Variants in ELOVL6 observed in about 807,000 individuals in gnomAD.
ELOVL6 encodes ELOVL fatty acid elongase 6.
ELOVL6 carries 8 observed loss-of-function variants against 31.7 expected under a neutral mutation model. The observed-to-expected ratio is 0.25, with a 90% confidence interval of 0.15 to 0.45. The LOEUF (loss-of-function observed/expected upper bound fraction) is 0.45, where lower values mean the gene tolerates loss of function less well. ELOVL6 is among the 20% of genes least tolerant of loss of function. ELOVL6 has a pLI of 1.00. For synonymous variants in ELOVL6, 101 were observed against 117.7 expected, an observed-to-expected ratio of 0.86 and a Z score of 0.92; for missense variants, 126 against 326.4, an observed-to-expected ratio of 0.39 and a Z score of 4.73.
chr4:110,128,539 C>T lies in ELOVL6; in HGVS notation c.90-22911G>A, dbSNP rs180868107. ...GCCTTGTAGGTGAGGATAAGGCAGG[C>T]GTCATGGGCAGTGCGGTTACAGGAA... On this transcript the variant is annotated intron_variant, in intron 1 of 3. Transcript: ENST00000302274. Among the ~76,000 whole-genome samples the T allele has an allele frequency of 3.4e-3, 520 of 152,242 alleles. 6 individuals are homozygous for T. The highest frequency in any genetic ancestry group is 0.012 in the African/African-American group (503 of 41,542).
At chr4:110,079,704 C>A (rs1248984401) in intron 2 of ELOVL6, among the ~76,000 whole-genome samples, 1 of 152,006 alleles carries the variant, frequency 6.6e-6, no homozygotes, top group Admixed American at 6.6e-5. Flanking sequence ...CAAACACAGT[C>A]AAAAACTAGC....
chr4:110,148,498 AG>A lies in ELOVL6; in HGVS notation c.90-42871del, dbSNP rs201234472. 1.8e-4 allele frequency among the ~76,000 whole-genome samples: 20 copies of A among 111,958 alleles called. No individual in the cohort carries two copies. In the South Asian group the frequency reaches 2.3e-3, roughly 13 times the overall value. 73.4% of individuals were successfully genotyped at this position (111,958 alleles called of 152,430 possible). On this transcript the variant is annotated intron_variant, in intron 1 of 3. Transcript: ENST00000302274. ...GGCCCAGAAGGGGGTTGTGCGGGGGAGGGGGGGAGGTAGGAATGGTTAATGG... is the reference window on the plus strand; with the variant it reads ...GGCCCAGAAGGGGGTTGTGCGGGGGAGGGGGGAGGTAGGAATGGTTAATGG...
At position 110,051,078 on chromosome 4, in the gene ELOVL6, A is replaced by G. The variant is rs1318815461; in HGVS notation, c.*260T>C. On this transcript the variant is annotated 3_prime_UTR_variant, in exon 4 of 4. Coordinates refer to ENST00000302274, the MANE Select transcript of ELOVL6 (RefSeq NM_024090.3). This position sits in a 1 kb window ranked among gnomAD's most constrained non-coding sequence, Gnocchi z 4.8. The stretch of plus-strand genomic sequence containing the variant: ...TTGCTTTTGTTCTCCCTTGTCCTAG[A>G]GTTGATAGATAAAGAGGGAATGGGG... The G allele has an allele frequency of 2.1e-6, 1 of 469,600 alleles. No individual in the cohort carries two copies. The highest frequency in any genetic ancestry group is 3.8e-6 in the Non-Finnish European group (1 of 260,098). 29.1% of individuals were successfully genotyped at this position (469,600 alleles called of 1,614,324 possible).
At chr4:110,053,372 A>G (rs763869958) in intron 3 of ELOVL6, among the ~76,000 whole-genome samples, 2 of 152,234 alleles carry the variant, frequency 1.3e-5, no homozygotes, top group African/African-American at 2.4e-5. Flanking sequence ...ATGCTGGACT[A>G]TGGGGAAAGA....
At chr4:110,088,530 C>A (rs78843646) in intron 2 of ELOVL6, among the ~76,000 whole-genome samples, 2 of 152,230 alleles carry the variant, frequency 1.3e-5, no homozygotes, top group East Asian at 1.9e-4. Context: ...GTTTCCTTCT[C>A]GAAAATTTCA....
At chr4:110,058,024 G>A (rs1245900513) in intron 3 of ELOVL6, among the ~76,000 whole-genome samples, 1 of 152,090 alleles carries the variant, frequency 6.6e-6, no homozygotes, top group African/African-American at 2.4e-5. Context: ...TACCTCTTCA[G>A]ATTTTGCAGG....
chr4:110,084,407 T>TC lies in ELOVL6; in HGVS notation c.221+21089_221+21090insG, dbSNP rs1486665013. Among the ~76,000 whole-genome samples, 17 of 97,588 alleles carry TC rather than the reference T, an allele frequency of 1.7e-4. 3 individuals are homozygous for TC. Among genetic ancestry groups the TC allele is most frequent in the Non-Finnish European group, 3.4e-4 (16 of 46,946 alleles). 64.0% of individuals were successfully genotyped at this position (97,588 alleles called of 152,430 possible). A position where few individuals can be genotyped will look rare whatever the true frequency, so the allele number is the denominator to read the frequency against. The stretch of plus-strand genomic sequence containing the variant: ...TATCGCATATATGATATATGATATA[T>TC]GACATACATGATATATCACATATAT... On this transcript the variant is annotated intron_variant, in intron 2 of 3. Coordinates refer to ENST00000302274, the MANE Select transcript of ELOVL6 (RefSeq NM_024090.3).
chr4:110,148,177 ATTTTT>A (rs1377253592), intron 1 of ELOVL6, among the ~76,000 whole-genome samples: 3 of 152,004 alleles, frequency 2.0e-5, no homozygotes, highest in Admixed American at 2.0e-4. Flanking sequence ...AGGAACAGAC[ATTTTT>A]CAAAAGACAA....
intron 2 of ELOVL6, among the ~76,000 whole-genome samples, chr4:110,063,975 G>A (rs375171774): frequency 2.0e-5 from 3 of 151,574 alleles, no homozygotes; most frequent in East Asian, 1.9e-4. Context: ...CTACTTGGGA[G>A]GGTGAGGCAG....
At chr4:110,076,734 G>A (rs1755642905) in intron 2 of ELOVL6, among the ~76,000 whole-genome samples, 1 of 152,198 alleles carries the variant, frequency 6.6e-6, no homozygotes, top group South Asian at 2.1e-4. Flanking sequence ...GTTGGAAAGT[G>A]GGTGCAAGAC....
At chr4:110,154,598 G>T (rs905346453) in intron 1 of ELOVL6, among the ~76,000 whole-genome samples, 1 of 152,130 alleles carries the variant, frequency 6.6e-6, no homozygotes, top group African/African-American at 2.4e-5. Flanking sequence ...TGTTGCCCAG[G>T]CTGTGATATT....
chr4:110,161,529 A>T (rs2126269477), intron 1 of ELOVL6, among the ~76,000 whole-genome samples: 1 of 152,300 alleles, frequency 6.6e-6, no homozygotes, highest in East Asian at 1.9e-4. Context: ...TTCAGCTCTC[A>T]TACTGCAAAA....
At chr4:110,100,049 C>T (rs1392026517) in intron 2 of ELOVL6, among the ~76,000 whole-genome samples, 1 of 152,154 alleles carries the variant, frequency 6.6e-6, no homozygotes, top group Non-Finnish European at 1.5e-5. Flanking sequence ...TGGATAAATG[C>T]CACATAAAAT....
At chr4:110,083,542 G>A (rs1755951209) in intron 2 of ELOVL6, among the ~76,000 whole-genome samples, 1 of 151,624 alleles carries the variant, frequency 6.6e-6, no homozygotes. Context: ...TCCTGACACA[G>A]AGATAGTAAT....
At chr4:110,193,835 G>A (rs2126283122) in intron 1 of ELOVL6, among the ~76,000 whole-genome samples, 1 of 152,264 alleles carries the variant, frequency 6.6e-6, no homozygotes, top group East Asian at 1.9e-4. Context: ...AGCTTTGAAA[G>A]GCTGGATGTG....
rs2126216981 is a variant in ELOVL6 at position 110,047,116 on chromosome 4, G to A, written c.*4222C>T. The A allele has an allele frequency of 6.6e-6, 1 of 152,204 alleles. No individual in the cohort carries two copies. Among genetic ancestry groups the A allele is most frequent in the African/African-American group, 2.4e-5 (1 of 41,546 alleles). 9.4% of individuals were successfully genotyped at this position (152,204 alleles called of 1,614,324 possible). A position where few individuals can be genotyped will look rare whatever the true frequency, so the allele number is the denominator to read the frequency against. On this transcript the variant is annotated 3_prime_UTR_variant, in exon 4 of 4. Coordinates refer to ENST00000302274, the MANE Select transcript of ELOVL6 (RefSeq NM_024090.3). ...GAGAAAGACACTACATTTGACTACTGGGACATTCTGGGTGCTTATAAAATT... is the reference window on the plus strand; with the variant it reads ...GAGAAAGACACTACATTTGACTACTAGGACATTCTGGGTGCTTATAAAATT...
At chr4:110,148,978 G>T (rs1463929978) in intron 1 of ELOVL6, among the ~76,000 whole-genome samples, 1 of 152,096 alleles carries the variant, frequency 6.6e-6, no homozygotes, top group Admixed American at 6.6e-5. Context: ...CTCCTGCCTT[G>T]GCCTCCCAAG....
At chr4:110,064,338 T>C (rs1755237129) in intron 2 of ELOVL6, among the ~76,000 whole-genome samples, 1 of 145,294 alleles carries the variant, frequency 6.9e-6, no homozygotes, top group African/African-American at 2.7e-5. Flanking sequence ...TCCTGATCAC[T>C]AGCTATTTGC....
At chr4:110,053,644 A>G (rs1278203776) in intron 3 of ELOVL6, among the ~76,000 whole-genome samples, 1 of 152,128 alleles carries the variant, frequency 6.6e-6, no homozygotes, top group East Asian at 1.9e-4. Flanking sequence ...ATCTCTACTA[A>G]AAATACAAAA....
Sources: gnomAD v4.1 joint callset for allele counts (sites outside exome capture counted in the v4.1 genomes callset) on GRCh38, gnomAD v4.1.1 for gene constraint, Gnocchi (gnomAD v3.1) non-coding constraint, MANE v1.5 for transcripts, NCBI Gene and HGNC (gene_info 2026-07-23, HGNC 2026-07-21) for gene names.